CCDC68: variants seen among roughly 807,000 people sequenced by gnomAD.
CCDC68 encodes the protein coiled-coil domain-containing protein 68.
A neutral mutation model predicts 47.1 loss-of-function variants in CCDC68; 45 were observed. That is an observed-to-expected ratio of 0.96 (90% confidence interval 0.75 to 1.23). The LOEUF is 1.23. Ranked by LOEUF, CCDC68 falls within the 50% of genes most tolerant of loss-of-function variation. The pLI is 0.00. For missense variants in CCDC68, 353 were observed against 373.6 expected (o/e 0.94, Z 0.45); for synonymous variants, 131 against 129.5 (o/e 1.01, Z -0.08).
At position 54,901,672 on chromosome 18, in the gene CCDC68, C is replaced by A. The variant is rs1913690228; in HGVS notation, c.*2686G>T. ...GATAATTTGTAACAACATATGTAAT[C>A]AAGGTAGAACTAAGTTTCTTTTCTT... On this transcript the variant is annotated 3_prime_UTR_variant, in exon 12 of 12. Coordinates refer to ENST00000591504, the MANE Select transcript of CCDC68 (RefSeq NM_025214.3). 1 of 152,116 alleles carries A rather than the reference C, an allele frequency of 6.6e-6. No homozygotes were observed. Among genetic ancestry groups the A allele is most frequent in the Non-Finnish European group, 1.5e-5 (1 of 68,004 alleles). 9.4% of individuals were successfully genotyped at this position (152,116 alleles called of 1,614,324 possible).
At chr18:54,940,410 A>T (rs904116477) in intron 4 of CCDC68, among the ~76,000 whole-genome samples, 2 of 152,194 alleles carry the variant, frequency 1.3e-5, no homozygotes, top group African/African-American at 4.8e-5. Flanking sequence ...TGGGAGGCTG[A>T]GGGTGATGAA....
At chr18:54,943,606 C>T (rs1316791703) in intron 2 of CCDC68, among the ~76,000 whole-genome samples, 2 of 151,998 alleles carry the variant, frequency 1.3e-5, no homozygotes, top group Non-Finnish European at 2.9e-5. Flanking sequence ...AAATGACATA[C>T]CAGGAACTAT....
chr18:54,939,550 G>C (rs1280935189), intron 4 of CCDC68, among the ~76,000 whole-genome samples: 2 of 152,100 alleles, frequency 1.3e-5, no homozygotes, highest in East Asian at 3.9e-4. Context: ...ATCTCTACAG[G>C]GCCAGAGGGC....
rs1446550385 is a variant in CCDC68 at position 54,917,907 on chromosome 18, C to T, written c.873+6G>A. On this transcript the variant is annotated splice_donor_region_variant and intron_variant, in intron 10 of 11. Coordinates refer to ENST00000591504, the MANE Select transcript of CCDC68 (RefSeq NM_025214.3). ...CAACAAAATGTAAGACAGGTTCCCT[C>T]CTTACCTGGGCTTCAAGTATGTTAA... 11 of 1,546,566 alleles carry T rather than the reference C, an allele frequency of 7.1e-6. No individual in the cohort carries two copies. Among genetic ancestry groups the T allele is most frequent in the Non-Finnish European group, 8.0e-6 (9 of 1,120,866 alleles).
intron 10 of CCDC68, 82 bp from the exon 11 acceptor site, chr18:54,907,944 C>A: frequency 1.2e-6 from 1 of 801,500 alleles, no homozygotes; most frequent in Non-Finnish European, 2.2e-6. Flanking sequence ...CAACCCAACA[C>A]CTGCCTCACT....
At position 54,902,097 on chromosome 18, in the gene CCDC68, A is replaced by G. The variant is rs1228483553; in HGVS notation, c.*2261T>C. 6.7e-6 allele frequency: 1 copy of G among 150,134 alleles called. No individual in the cohort carries two copies. The highest frequency in any genetic ancestry group is 2.0e-4 in the East Asian group (1 of 5,118). The allele number at this position is 150,134 out of a possible 1,614,324, so 9.3% of individuals were successfully genotyped here. On this transcript the variant is annotated 3_prime_UTR_variant, in exon 12 of 12. Coordinates refer to ENST00000591504, the MANE Select transcript of CCDC68 (RefSeq NM_025214.3). Reference sequence around the variant, plus strand: ...ATTTCTCCCAAAGTTAGCTTGGCCCACACTCAGGAACGACCAAGGGCAGTT... The same window carrying G: ...ATTTCTCCCAAAGTTAGCTTGGCCCGCACTCAGGAACGACCAAGGGCAGTT...
At chr18:54,909,824 G>A (rs989645934) in intron 10 of CCDC68, among the ~76,000 whole-genome samples, 2 of 152,244 alleles carry the variant, frequency 1.3e-5, no homozygotes, top group African/African-American at 2.4e-5. Context: ...GCCAGGAACC[G>A]CAAGGCCCCA....
chr18:54,935,476 T>C (rs1461054053), intron 6 of CCDC68, among the ~76,000 whole-genome samples: 1 of 152,256 alleles, frequency 6.6e-6, no homozygotes, highest in South Asian at 2.1e-4. Context: ...AACTTGTTAC[T>C]CTTCTGTGTG....
At chr18:54,949,592 C>T (rs907834397) in intron 1 of CCDC68, among the ~76,000 whole-genome samples, 10 of 152,198 alleles carry the variant, frequency 6.6e-5, no homozygotes, top group Admixed American at 1.3e-4. Context: ...TATTCACTCA[C>T]GTCTGGGGGC....
At chr18:54,944,690 G>T (rs2044497042) in intron 2 of CCDC68, among the ~76,000 whole-genome samples, 1 of 152,136 alleles carries the variant, frequency 6.6e-6, no homozygotes, top group Admixed American at 6.5e-5. Context: ...CAACCAAGTA[G>T]TTGATGAGGG....
At chr18:54,918,059 C>T (rs1399281475) in intron 9 of CCDC68, 63 bp from the exon 10 acceptor site, 3 of 693,688 alleles carry the variant, frequency 4.3e-6, no homozygotes, top group Non-Finnish European at 4.8e-6. Context: ...TTACTTAAGT[C>T]AGAAATTGTA....
rs1251614158 is a variant in CCDC68 at position 54,904,309 on chromosome 18, T to C, written c.*49A>G. On this transcript the variant is annotated 3_prime_UTR_variant, in exon 12 of 12. Transcript: ENST00000591504. ...GAAACTTGGGCTGTGTTTCAGAGAA[T>C]AAATAAGACTCACGCAGTCTTTCTA... 1.4e-6 allele frequency: 2 copies of C among 1,435,316 alleles called. No individual in the cohort carries two copies. Among genetic ancestry groups the C allele is most frequent in the South Asian group, 1.2e-5 (1 of 85,884 alleles). The allele number at this position is 1,435,316 out of a possible 1,614,324, so 88.9% of individuals were successfully genotyped here. A position where few individuals can be genotyped will look rare whatever the true frequency, so the allele number is the denominator to read the frequency against.
chr18:54,939,211 C>G (rs1217044497), intron 4 of CCDC68, among the ~76,000 whole-genome samples: 1 of 152,076 alleles, frequency 6.6e-6, no homozygotes, highest in African/African-American at 2.4e-5. Context: ...AGTCAAGACC[C>G]TAGTGCATAC....
intron 10 of CCDC68, among the ~76,000 whole-genome samples, chr18:54,909,479 G>A (rs1423706842): frequency 1.3e-5 from 2 of 150,324 alleles, no homozygotes; most frequent in Non-Finnish European, 2.9e-5. Context: ...TTTTCTGGCC[G>A]CAAATGTTTG....
chr18:54,913,630 T>C (rs1914490040), intron 10 of CCDC68, among the ~76,000 whole-genome samples: 1 of 137,600 alleles, frequency 7.3e-6, no homozygotes, highest in African/African-American at 2.5e-5. Context: ...AGTGAAACTC[T>C]GTCTCTACAA....
At chr18:54,935,411 T>C (rs535859263) in intron 6 of CCDC68, among the ~76,000 whole-genome samples, 3 of 152,314 alleles carry the variant, frequency 2.0e-5, no homozygotes, top group East Asian at 1.9e-4. Flanking sequence ...TGAACCATCA[T>C]AGGAGAGAAG....
At chr18:54,924,934 A>G (rs2044120922) in intron 8 of CCDC68, among the ~76,000 whole-genome samples, 4 of 152,102 alleles carry the variant, frequency 2.6e-5, no homozygotes, top group Admixed American at 2.6e-4. Context: ...GCATCATGCT[A>G]TTCTGTTTAG....
At chr18:54,959,042 AC>A (rs2044758335) in intron 1 of CCDC68, 1 of 152,364 alleles carries the variant, frequency 6.6e-6, no homozygotes, top group African/African-American at 2.4e-5. Context: ...GGATTGTATA[AC>A]AACAACCTAA....
intron 8 of CCDC68, among the ~76,000 whole-genome samples, chr18:54,922,570 A>G (rs2044078775): frequency 6.6e-6 from 1 of 152,180 alleles, no homozygotes; most frequent in Admixed American, 6.5e-5. Context: ...AGATCAAAAC[A>G]GGCCAGGCAT....
Sources: allele counts gnomAD v4.1 joint callset (sites outside exome capture counted in the v4.1 genomes callset), GRCh38; gene constraint gnomAD v4.1.1; transcripts MANE v1.5; gene names NCBI Gene and HGNC (gene_info 2026-07-23, HGNC 2026-07-21).